GSKIP: variants seen among roughly 807,000 people sequenced by gnomAD.
The protein encoded by GSKIP is GSK3B-interacting protein.
GSKIP carries 5 observed loss-of-function variants against 11.9 expected under a neutral mutation model. That is an observed-to-expected ratio of 0.42 (90% CI 0.22 to 0.89). The LOEUF (loss-of-function observed/expected upper bound fraction) is 0.89. GSKIP is among the 40% of genes least tolerant of loss of function. The pLI is 0.29. For missense variants in GSKIP, 150 were observed against 166.6 expected (o/e 0.90, Z 0.55); for synonymous variants, 70 against 62.9 (o/e 1.11, Z -0.54).
chr14:96,366,012 G>A (rs1239914951), intron 1 of GSKIP, among the ~76,000 whole-genome samples: 1 of 152,094 alleles, frequency 6.6e-6, no homozygotes, highest in African/African-American at 2.4e-5. Flanking sequence ...TCACCGTAAT[G>A]CAAGGAAAAG....
chr14:96,382,433 T>C lies in GSKIP; in HGVS notation c.186T>C (p.Asp62=), dbSNP rs1365690271. 2.5e-6 allele frequency: 4 copies of C among 1,613,218 alleles called. No individual in the cohort carries two copies. The East Asian group carries it at 8.9e-5, about 36-fold the overall frequency. The change falls in exon 3 of 4, where the codon GAT becomes GAC. Residue 62 remains aspartate (D), a synonymous_variant. Transcript: ENST00000555181. ...CGAAAAGCCTGCGGTGTGCGGATGA[T>C]GTGGCCTATATCAATGTGGAAACAA... ...FVSKSLRCAD[D]VAYINVETKE... is the part of the protein sequence containing the mutation.
Position 96,385,544 on chromosome 14 carries a change from C to A in GSKIP, c.280C>A (p.Gln94Lys), listed in dbSNP as rs1889466237. 6.8e-6 allele frequency: 11 copies of A among 1,610,572 alleles called. No homozygotes were observed. The highest frequency in any genetic ancestry group is 9.3e-6 in the Non-Finnish European group (11 of 1,178,580). Residue 94 changes from glutamine to lysine, a missense_variant, in exon 4 of 4, where the codon CAG becomes AAG. Transcript: ENST00000555181. ...GTAGGTGGTAGGCTATGCTTTTGAC[C>A]AGGTAGATGATCATTTACAGACTCC... Reference protein sequence around the residue: ...GLKVVGYAFDQVDDHLQTPYH... With the variant: ...GLKVVGYAFDKVDDHLQTPYH...
At chr14:96,366,991 C>T (rs1442007751) in intron 1 of GSKIP, among the ~76,000 whole-genome samples, 1 of 152,198 alleles carries the variant, frequency 6.6e-6, no homozygotes, top group African/African-American at 2.4e-5. Context: ...CCTCACGGCT[C>T]TTGGAGGAAT....
intron 1 of GSKIP, among the ~76,000 whole-genome samples, chr14:96,373,061 C>G (rs923225442): frequency 6.6e-6 from 1 of 151,882 alleles, no homozygotes; most frequent in Non-Finnish European, 1.5e-5. Flanking sequence ...GAAACCCCGT[C>G]TATACTAAAA....
At chr14:96,375,822 C>T (rs1031290331) in intron 1 of GSKIP, among the ~76,000 whole-genome samples, 1 of 152,206 alleles carries the variant, frequency 6.6e-6, no homozygotes, top group Non-Finnish European at 1.5e-5. Context: ...GGGGACTCTG[C>T]AGAGTCCTGA....
At chr14:96,373,433 G>A (rs1889111420) in intron 1 of GSKIP, among the ~76,000 whole-genome samples, 1 of 151,958 alleles carries the variant, frequency 6.6e-6, no homozygotes, top group Non-Finnish European at 1.5e-5. Context: ...TCTGTGTTCT[G>A]CATCCTCAAT....
At chr14:96,370,601 G>A (rs1045205291) in intron 1 of GSKIP, among the ~76,000 whole-genome samples, 2 of 152,108 alleles carry the variant, frequency 1.3e-5, no homozygotes, top group African/African-American at 4.8e-5. Flanking sequence ...GTTTCTGACA[G>A]AACTGGTTGT....
intron 1 of GSKIP, among the ~76,000 whole-genome samples, chr14:96,365,824 A>G (rs539908605): frequency 6.6e-6 from 1 of 151,884 alleles, no homozygotes; most frequent in South Asian, 2.1e-4. Context: ...ACAGAGTGAG[A>G]CTCTATCTTA....
Position 96,380,442 on chromosome 14 carries a change from A to G in GSKIP, c.-2+654A>G, listed in dbSNP as rs185010205. 15 of 152,236 alleles carry G rather than the reference A, an allele frequency of 9.9e-5. No individual in the cohort carries two copies. The East Asian group carries it at 2.3e-3, about 23-fold the overall frequency. 9.4% of individuals were successfully genotyped at this position (152,236 alleles called of 1,614,324 possible). A position where few individuals can be genotyped will look rare whatever the true frequency, so the allele number is the denominator to read the frequency against. The stretch of plus-strand genomic sequence containing the variant: ...AATTTAGAGCAGTGGCTGCACAGCA[A>G]AATCACTCAGGAGCTCTGAAAAAAA... On this transcript the variant is annotated intron_variant, in intron 2 of 3. Coordinates refer to ENST00000555181, the MANE Select transcript of GSKIP (RefSeq NM_016472.5).
intron 1 of GSKIP, among the ~76,000 whole-genome samples, chr14:96,365,970 G>T (rs1374883846): frequency 2.6e-5 from 4 of 152,050 alleles, no homozygotes; most frequent in African/African-American, 9.7e-5. Context: ...GGGAGGGCCA[G>T]AGTGAAAACA....
chr14:96,366,515 A>G (rs1303658733), intron 1 of GSKIP, among the ~76,000 whole-genome samples: 1 of 152,216 alleles, frequency 6.6e-6, no homozygotes, highest in Non-Finnish European at 1.5e-5. Flanking sequence ...CTCATCTCAA[A>G]TCACAGTGCC....
intron 2 of GSKIP, chr14:96,380,361 A>C (rs372913199): frequency 5.9e-5 from 9 of 152,352 alleles, no homozygotes; most frequent in African/African-American, 1.9e-4. Flanking sequence ...TGACTTTTGT[A>C]ATGTGCAAAT....
chr14:96,383,505 A>G (rs1338056967), intron 3 of GSKIP, among the ~76,000 whole-genome samples: 1 of 152,234 alleles, frequency 6.6e-6, no homozygotes, highest in African/African-American at 2.4e-5. Flanking sequence ...CTTCAGTCTT[A>G]GAAAATGTCA....
intron 3 of GSKIP, among the ~76,000 whole-genome samples, chr14:96,383,062 C>T (rs563753892): frequency 6.6e-5 from 10 of 152,090 alleles, no homozygotes; most frequent in Non-Finnish European, 1.5e-4. Context: ...AAACCAAAAT[C>T]ATGAGTTTAG....
chr14:96,384,735 G>A (rs1400896764), intron 3 of GSKIP: 1 of 151,878 alleles, frequency 6.6e-6, no homozygotes, highest in Non-Finnish European at 1.5e-5. Context: ...TTTGGAGCAG[G>A]GAGATAGAAT....
chr14:96,370,820 A>G (rs1256475372), intron 1 of GSKIP, among the ~76,000 whole-genome samples: 1 of 152,180 alleles, frequency 6.6e-6, no homozygotes, highest in Non-Finnish European at 1.5e-5. Flanking sequence ...TTTTCTTTAG[A>G]AATTACCCAG....
intron 1 of GSKIP, chr14:96,378,858 G>A (rs570190821): frequency 1.3e-5 from 2 of 152,342 alleles, no homozygotes; most frequent in East Asian, 1.9e-4. Context: ...TAACTGAAAA[G>A]TGCAAATCCT....
At chr14:96,383,429 C>G (rs142556067) in intron 3 of GSKIP, among the ~76,000 whole-genome samples, 18 of 152,046 alleles carry the variant, frequency 1.2e-4, no homozygotes, top group Non-Finnish European at 1.6e-4. Context: ...AATCTTTGAC[C>G]TACTGAACAA....
intron 1 of GSKIP, among the ~76,000 whole-genome samples, chr14:96,369,608 C>T (rs2139929674): frequency 6.6e-6 from 1 of 152,336 alleles, no homozygotes; most frequent in Non-Finnish European, 1.5e-5. Context: ...GCTCCAGGTA[C>T]TCAGCTCAGG....
Sources: allele counts gnomAD v4.1 joint callset (sites outside exome capture counted in the v4.1 genomes callset), GRCh38; gene constraint gnomAD v4.1.1; transcripts MANE v1.5; gene names NCBI Gene and HGNC (gene_info 2026-07-23, HGNC 2026-07-21).